Variants in PPARA observed in about 807,000 individuals in gnomAD.
The protein encoded by PPARA is peroxisome proliferator activated receptor alpha.
In PPARA, 22 loss-of-function variants were observed where a neutral mutation model predicts 42.2. The observed-to-expected ratio is 0.52, with a 90% CI of 0.37 to 0.74. The LOEUF (loss-of-function observed/expected upper bound fraction) is 0.74, where lower values mean the gene tolerates loss of function less well. PPARA is among the 30% of genes least tolerant of loss of function. The pLI is 0.00. For missense variants in PPARA, 465 were observed against 608.2 expected (o/e 0.76, Z 2.48); for synonymous variants, 242 against 239.3 (o/e 1.01, Z -0.10).
chr22:46,193,681 G>C lies in PPARA; in HGVS notation c.-42-4661G>C, dbSNP rs1174455865. ...GGTCTCAGGTAAGGAAGGAATGAGA[G>C]GATCATGCAGAACCTCCCATCATTG... is the stretch of plus-strand genomic sequence containing the variant. On this transcript the variant is annotated intron_variant, in intron 3 of 8. Coordinates refer to ENST00000407236, the MANE Select transcript of PPARA (RefSeq NM_005036.6). This position sits in a 1 kb window ranked among gnomAD's most constrained non-coding sequence, Gnocchi z 5.3. 1.3e-5 allele frequency among the ~76,000 whole-genome samples: 2 copies of C among 152,116 alleles called. No homozygotes were observed. Among genetic ancestry groups the C allele is most frequent in the African/African-American group, 4.8e-5 (2 of 41,426 alleles).
chr22:46,202,658 ATATTT>A (rs1185422204), intron 4 of PPARA, among the ~76,000 whole-genome samples: 1 of 151,882 alleles, frequency 6.6e-6, no homozygotes, highest in East Asian at 2.0e-4. Flanking sequence ...TTAATGTAAA[ATATTT>A]TATTTTTTAT....
In PPARA at chr22:46,188,137, C is replaced by T. The variant is rs1376292527; in HGVS notation, c.-42-10205C>T. 1.3e-5 allele frequency among the ~76,000 whole-genome samples: 2 copies of T among 152,206 alleles called. No homozygotes were observed. The highest frequency in any genetic ancestry group is 4.8e-5 in the African/African-American group (2 of 41,458). On this transcript the variant is annotated intron_variant, in intron 3 of 8. Coordinates refer to ENST00000407236, the MANE Select transcript of PPARA (RefSeq NM_005036.6). The surrounding 1 kb of genome is among the most constrained non-coding windows in gnomAD (Gnocchi z 5.0). ...GCTATGTGAATTATCCCAGGTCAGA[C>T]CAGTAGAAGAGCCACCTGGCTGAGC...
At chr22:46,176,979 G>C (rs542391444) in intron 3 of PPARA, 143 bp downstream of exon 3, 1 of 152,346 alleles carries the variant, frequency 6.6e-6, no homozygotes, top group African/African-American at 2.4e-5. Context: ...GGGGGGCCAA[G>C]GCGGGCAGAT....
At chr22:46,185,242 C>A (rs1484515724) in intron 3 of PPARA, among the ~76,000 whole-genome samples, 1 of 152,168 alleles carries the variant, frequency 6.6e-6, no homozygotes, top group Non-Finnish European at 1.5e-5. Context: ...TATCTTCCAA[C>A]CCTTCTATTA....
At chr22:46,198,910 C>G (rs904967076) in intron 4 of PPARA, among the ~76,000 whole-genome samples, 1 of 152,160 alleles carries the variant, frequency 6.6e-6, no homozygotes, top group Admixed American at 6.5e-5. Flanking sequence ...CTGCCCGCCT[C>G]GGCCTCCTAA....
At chr22:46,157,098 C>T (rs1465658279) in intron 2 of PPARA, among the ~76,000 whole-genome samples, 4 of 152,204 alleles carry the variant, frequency 2.6e-5, no homozygotes, top group African/African-American at 7.2e-5. Flanking sequence ...CTGCCTGCAC[C>T]CCTGTTTCTG....
chr22:46,157,519 G>A (rs1448682027), intron 2 of PPARA, among the ~76,000 whole-genome samples: 1 of 152,236 alleles, frequency 6.6e-6, no homozygotes, highest in Non-Finnish European at 1.5e-5. Context: ...TTAGGAAGGT[G>A]AGGGCTGCCG....
chr22:46,218,114 A>G, intron 5 of PPARA, 149 bp from the exon 6 acceptor site: 1 of 1,087,966 alleles, frequency 9.2e-7, no homozygotes, highest in South Asian at 1.4e-5. Context: ...TACAGGCATG[A>G]TCACCATGCC....
chr22:46,219,360 T>G lies in PPARA; in HGVS notation c.509-452T>G, dbSNP rs1006069907. Among the ~76,000 whole-genome samples, 2 of 152,204 alleles carry G rather than the reference T, an allele frequency of 1.3e-5. No homozygotes were observed. Among genetic ancestry groups the G allele is most frequent in the African/African-American group, 4.8e-5 (2 of 41,460 alleles). Reference sequence around the variant, plus strand: ...ACATCTCACCACGTTATGAATTTCCTTCTAGCCAATCATTTAATAGTTTCA... The same window carrying G: ...ACATCTCACCACGTTATGAATTTCCGTCTAGCCAATCATTTAATAGTTTCA... On this transcript the variant is annotated intron_variant, in intron 6 of 8. Coordinates refer to ENST00000407236, the MANE Select transcript of PPARA (RefSeq NM_005036.6). This position sits in a 1 kb window ranked among gnomAD's most constrained non-coding sequence, Gnocchi z 4.8.
rs952566396 is a variant in PPARA at position 46,190,788 on chromosome 22, A to G, written c.-42-7554A>G. Among the ~76,000 whole-genome samples the G allele has an allele frequency of 8.5e-5, 13 of 152,096 alleles. No individual in the cohort carries two copies. Among genetic ancestry groups the G allele is most frequent in the African/African-American group, 2.4e-4 (10 of 41,430 alleles). On this transcript the variant is annotated intron_variant, in intron 3 of 8. Coordinates refer to ENST00000407236, the MANE Select transcript of PPARA (RefSeq NM_005036.6). The surrounding 1 kb of genome is among the most constrained non-coding windows in gnomAD (Gnocchi z 5.6). ...TTTTGAGTGTGAAAATTCAAGCTCA[A>G]TTCCATTTGTTGGTTGTCTTGAGTG...
In PPARA at chr22:46,196,012, G is replaced by A. The variant is rs190251106; in HGVS notation, c.-42-2330G>A. 1.6e-3 allele frequency among the ~76,000 whole-genome samples: 247 copies of A among 152,234 alleles called. No individual in the cohort carries two copies. The highest frequency in any genetic ancestry group is 5.6e-3 in the African/African-American group (234 of 41,484). On this transcript the variant is annotated intron_variant, in intron 3 of 8. Transcript: ENST00000407236. This position sits in a 1 kb window ranked among gnomAD's most constrained non-coding sequence, Gnocchi z 5.6. ...GTGGCACCTGGGCAAAGGTGCAGACGTGGAATCCTGAAAGCAATTCTCAGC... is the reference window on the plus strand; with the variant it reads ...GTGGCACCTGGGCAAAGGTGCAGACATGGAATCCTGAAAGCAATTCTCAGC...
At chr22:46,218,447 C>G (rs1211194405) in intron 6 of PPARA, 46 bp downstream of exon 6, 1 of 1,612,166 alleles carries the variant, frequency 6.2e-7, no homozygotes, top group Non-Finnish European at 8.5e-7. Context: ...TTCCTCAGTT[C>G]CCCTTCCTTG....
rs1930261988 is a variant in PPARA at position 46,183,572 on chromosome 22, T to C, written c.-43+6736T>C. ...GCCTGGGCAACATGGCGAAACCCTGTCTATACAAAAAATAGAAAAATTAGC... is the reference window on the plus strand; with the variant it reads ...GCCTGGGCAACATGGCGAAACCCTGCCTATACAAAAAATAGAAAAATTAGC... On this transcript the variant is annotated intron_variant, in intron 3 of 8. Coordinates refer to ENST00000407236, the MANE Select transcript of PPARA (RefSeq NM_005036.6). The surrounding 1 kb of genome is among the most constrained non-coding windows in gnomAD (Gnocchi z 5.5). Among the ~76,000 whole-genome samples, 1 of 152,112 alleles carries C rather than the reference T, an allele frequency of 6.6e-6. No homozygotes were observed. The highest frequency in any genetic ancestry group is 1.5e-5 in the Non-Finnish European group (1 of 68,014).
chr22:46,171,868 C>A lies in PPARA; in HGVS notation c.-126-4885C>A, dbSNP rs2147196368. 6.6e-6 allele frequency among the ~76,000 whole-genome samples: 1 copy of A among 152,254 alleles called. No individual in the cohort carries two copies. Among genetic ancestry groups the A allele is most frequent in the Non-Finnish European group, 1.5e-5 (1 of 68,024 alleles). Reference sequence around the variant, plus strand: ...GGCTTCTTAGGGGACTGGATATGCTCTGATCTAGCTGCTAAAAAGCCCCCT... The same window carrying A: ...GGCTTCTTAGGGGACTGGATATGCTATGATCTAGCTGCTAAAAAGCCCCCT... On this transcript the variant is annotated intron_variant, in intron 2 of 8. Coordinates refer to ENST00000407236, the MANE Select transcript of PPARA (RefSeq NM_005036.6). This position sits in a 1 kb window ranked among gnomAD's most constrained non-coding sequence, Gnocchi z 5.0.
At chr22:46,215,455 A>G in intron 5 of PPARA, 122 bp downstream of exon 5, 1 of 1,324,896 alleles carries the variant, frequency 7.5e-7, no homozygotes, top group Non-Finnish European at 1.1e-6. Flanking sequence ...AACTGACTTC[A>G]GGCCAGGCGC....
chr22:46,208,588 A>G (rs1933621096), intron 4 of PPARA, among the ~76,000 whole-genome samples: 1 of 152,048 alleles, frequency 6.6e-6, no homozygotes, highest in Admixed American at 6.6e-5. Context: ...GCAATTTTGA[A>G]ATACACAATA....
In PPARA at chr22:46,200,903, G is replaced by A. The variant is rs920014897; in HGVS notation, c.208+2312G>A. Among the ~76,000 whole-genome samples, 9 of 151,282 alleles carry A rather than the reference G, an allele frequency of 5.9e-5. No homozygotes were observed. Among genetic ancestry groups the A allele is most frequent in the Admixed American group, 4.6e-4 (7 of 15,154 alleles). ...CATGCCACTGTACTCTAGCTTGGGC[G>A]ACAGGGTGAGACTCCATCTCAAAAA... On this transcript the variant is annotated intron_variant, in intron 4 of 8. Coordinates refer to ENST00000407236, the MANE Select transcript of PPARA (RefSeq NM_005036.6). The surrounding 1 kb of genome is among the most constrained non-coding windows in gnomAD (Gnocchi z 4.8).
intron 2 of PPARA, among the ~76,000 whole-genome samples, chr22:46,172,815 G>A (rs2147204114): frequency 6.6e-6 from 1 of 152,246 alleles, no homozygotes; most frequent in Non-Finnish European, 1.5e-5. Context: ...TTGTTGAGTA[G>A]GAAGCCTCGT....
At chr22:46,198,740 A>G in intron 4 of PPARA, 149 bp downstream of exon 4, 4 of 797,002 alleles carry the variant, frequency 5.0e-6, no homozygotes, top group Non-Finnish European at 3.9e-6. Flanking sequence ...GGCTCACTGC[A>G]GGCTCCACCT....
Sources: allele counts gnomAD v4.1 joint callset (sites outside exome capture counted in the v4.1 genomes callset), GRCh38; gene constraint gnomAD v4.1.1; non-coding constraint Gnocchi (gnomAD v3.1); transcripts MANE v1.5; gene names NCBI Gene and HGNC (gene_info 2026-07-23, HGNC 2026-07-21).